Variants in PHYHIPL observed in about 807,000 individuals in gnomAD.
PHYHIPL encodes the protein phytanoyl-CoA 2-hydroxylase interacting protein like.
A neutral mutation model predicts 33.4 loss-of-function variants in PHYHIPL; 9 were observed. The ratio of observed to expected loss-of-function variants is 0.27; its 90% CI spans 0.16 to 0.47. The LOEUF (loss-of-function observed/expected upper bound fraction) is 0.47. Among genes scored for constraint, PHYHIPL ranks in the 20% least tolerant of loss-of-function variants. PHYHIPL has a pLI of 0.99. For missense variants in PHYHIPL, 365 were observed against 460.7 expected, an observed-to-expected ratio of 0.79 and a Z score of 1.90; for synonymous variants, 153 against 154.1, an observed-to-expected ratio of 0.99 and a Z score of 0.05.
intron 1 of PHYHIPL, among the ~76,000 whole-genome samples, chr10:59,222,992 A>C (rs1839822739): frequency 6.6e-6 from 1 of 152,202 alleles, no homozygotes; most frequent in Non-Finnish European, 1.5e-5. Context: ...AAGGTCAAAC[A>C]ACTCCATGTA....
At chr10:59,200,210 T>C (rs1839057162) in intron 1 of PHYHIPL, among the ~76,000 whole-genome samples, 1 of 152,180 alleles carries the variant, frequency 6.6e-6, no homozygotes, top group African/African-American at 2.4e-5. Context: ...AAACAACTCT[T>C]ATCATTTTGA....
chr10:59,208,229 A>T (rs1487708851), intron 1 of PHYHIPL, among the ~76,000 whole-genome samples: 1 of 152,204 alleles, frequency 6.6e-6, no homozygotes, highest in Non-Finnish European at 1.5e-5. Context: ...AGGAAGGAAC[A>T]GGCAGCAATC....
chr10:59,197,255 C>T (rs1250740999), intron 1 of PHYHIPL, among the ~76,000 whole-genome samples: 1 of 152,174 alleles, frequency 6.6e-6, no homozygotes. Context: ...AACTGAGTAA[C>T]AAAATTTCCT....
chr10:59,220,714 A>T (rs1225252668), intron 1 of PHYHIPL, among the ~76,000 whole-genome samples: 1 of 152,062 alleles, frequency 6.6e-6, no homozygotes, highest in Non-Finnish European at 1.5e-5. Context: ...TTCTAGAGCA[A>T]CTATGGTAAG....
chr10:59,200,922 A>G lies in PHYHIPL; in HGVS notation c.106+23963A>G, dbSNP rs780043726. Among the ~76,000 whole-genome samples the G allele has an allele frequency of 1.9e-4, 29 of 151,920 alleles. No individual in the cohort carries two copies. In the Middle Eastern group the frequency reaches 0.01, roughly 53 times the overall value. On this transcript the variant is annotated intron_variant, in intron 1 of 4. Coordinates refer to ENST00000373880, the MANE Select transcript of PHYHIPL (RefSeq NM_032439.4). Reference sequence around the variant, plus strand: ...AGTGATATCCCCTTTATCATTTTTTATTGTGTCTATTTGATTCTTCTCTCT... The same window carrying G: ...AGTGATATCCCCTTTATCATTTTTTGTTGTGTCTATTTGATTCTTCTCTCT...
intron 1 of PHYHIPL, among the ~76,000 whole-genome samples, chr10:59,198,910 T>C (rs954061473): frequency 1.3e-5 from 2 of 152,210 alleles, no homozygotes; most frequent in Non-Finnish European, 2.9e-5. Flanking sequence ...TTGTTTGATT[T>C]TTTTCTTGTA....
At position 59,245,694 on chromosome 10, in the gene PHYHIPL, C is replaced by T. The variant is rs1840636407; in HGVS notation, c.*103C>T. ...CAGATGTTTTCCACTGAAGCATGCA[C>T]ATGCCACTGTCACCAAAACAAACAA... On this transcript the variant is annotated 3_prime_UTR_variant, in exon 5 of 5. Coordinates refer to ENST00000373880, the MANE Select transcript of PHYHIPL (RefSeq NM_032439.4). 7.9e-7 allele frequency: 1 copy of T among 1,267,534 alleles called. No homozygotes were observed. Among genetic ancestry groups the T allele is most frequent in the Non-Finnish European group, 1.1e-6 (1 of 925,714 alleles). The allele number at this position is 1,267,534 out of a possible 1,614,324, so 78.5% of individuals were successfully genotyped here.
intron 4 of PHYHIPL, among the ~76,000 whole-genome samples, chr10:59,242,274 T>C (rs145698173): frequency 5.5e-4 from 83 of 152,206 alleles, no homozygotes; most frequent in Non-Finnish European, 9.4e-4. Context: ...TAGCACAGGC[T>C]TAGTGGGAGC....
Position 59,178,364 on chromosome 10 carries a change from G to A in PHYHIPL, c.106+1405G>A, listed in dbSNP as rs1241083191. 3.9e-5 allele frequency among the ~76,000 whole-genome samples: 6 copies of A among 152,020 alleles called. No homozygotes were observed. The East Asian group carries it at 1.2e-3, about 29-fold the overall frequency. ...ATGGTAGTAAGTGCACATATTTATG[G>A]TATCTAAAAACATTTATCATTTTGG... On this transcript the variant is annotated intron_variant, in intron 1 of 4. Coordinates refer to ENST00000373880, the MANE Select transcript of PHYHIPL (RefSeq NM_032439.4).
At chr10:59,237,668 C>T (rs1840265951) in intron 3 of PHYHIPL, among the ~76,000 whole-genome samples, 1 of 151,856 alleles carries the variant, frequency 6.6e-6, no homozygotes, top group Non-Finnish European at 1.5e-5. Context: ...GAGCTAGGCA[C>T]TGTACAATGT....
At chr10:59,232,932 T>C (rs1805675012) in intron 1 of PHYHIPL, among the ~76,000 whole-genome samples, 1 of 151,914 alleles carries the variant, frequency 6.6e-6, no homozygotes, top group African/African-American at 2.4e-5. Flanking sequence ...TCACTTGATT[T>C]CTTCCCTGTT....
intron 1 of PHYHIPL, among the ~76,000 whole-genome samples, chr10:59,207,841 G>A (rs553653679): frequency 1.6e-4 from 24 of 150,276 alleles, no homozygotes; most frequent in Non-Finnish European, 2.8e-4. Flanking sequence ...GCAGTGAGCC[G>A]AGATGCACCA....
chr10:59,240,385 AT>A (rs1399716689), intron 4 of PHYHIPL, among the ~76,000 whole-genome samples: 2 of 152,060 alleles, frequency 1.3e-5, no homozygotes, highest in African/African-American at 4.8e-5. Context: ...TTGAAAATTC[AT>A]TTAATACACC....
chr10:59,202,073 G>A lies in PHYHIPL; in HGVS notation c.106+25114G>A, dbSNP rs375944796. Among the ~76,000 whole-genome samples, 123 of 152,234 alleles carry A rather than the reference G, an allele frequency of 8.1e-4. 2 individuals are homozygous for A. In the East Asian group the frequency reaches 0.017, roughly 21 times the overall value. On this transcript the variant is annotated intron_variant, in intron 1 of 4. Coordinates refer to ENST00000373880, the MANE Select transcript of PHYHIPL (RefSeq NM_032439.4). ...GATTACATAGGCAGTAATAGACCAG[G>A]TATAAGGAATCACTCCAACGAAGGC...
chr10:59,218,785 G>GA (rs1839684391), intron 1 of PHYHIPL, among the ~76,000 whole-genome samples: 1 of 151,522 alleles, frequency 6.6e-6, no homozygotes, highest in Non-Finnish European at 1.5e-5. Context: ...ACTCTCTTTA[G>GA]AAAAAAGAAT....
At position 59,176,902 on chromosome 10, in the gene PHYHIPL, T is replaced by C; in HGVS notation, c.49T>C (p.Cys17Arg). Residue 17 changes from cysteine (C) to arginine (R), a missense_variant, in exon 1 of 5, where the codon TGT becomes CGT. Around this residue, in one of 4 missense-constraint regions of PHYHIPL, gnomAD observed 89 missense variants for 78.3 expected, o/e 1.14. Transcript: ENST00000373880. ...DHALNSPTSP[C>R]EEVIKNLSLE... ...TGCCCTCAACAGCCCCACCAGCCCC[T>C]GTGAGGAGGTGATCAAAAACCTCAG... 1 of 1,613,586 alleles carries C rather than the reference T, an allele frequency of 6.2e-7. No individual in the cohort carries two copies. The highest frequency in any genetic ancestry group is 8.5e-7 in the Non-Finnish European group (1 of 1,179,794).
chr10:59,188,564 G>A (rs1838686770), intron 1 of PHYHIPL, among the ~76,000 whole-genome samples: 1 of 151,982 alleles, frequency 6.6e-6, no homozygotes, highest in African/African-American at 2.4e-5. Flanking sequence ...TTGACAGTGG[G>A]GTGTTAAAGT....
chr10:59,240,635 C>T (rs983924757), intron 4 of PHYHIPL, among the ~76,000 whole-genome samples: 36 of 152,044 alleles, frequency 2.4e-4, no homozygotes, highest in Admixed American at 1.2e-3. Context: ...GTATTTGTTA[C>T]GCATAAAATT....
At chr10:59,229,789 C>T (rs957013156) in intron 1 of PHYHIPL, among the ~76,000 whole-genome samples, 4 of 152,270 alleles carry the variant, frequency 2.6e-5, no homozygotes, top group African/African-American at 9.6e-5. Context: ...GAACACTCAG[C>T]AGTGTGTGAG....
Sources: gnomAD v4.1 joint callset for allele counts (sites outside exome capture counted in the v4.1 genomes callset) on GRCh38, gnomAD v4.1.1 for gene constraint, gnomAD v4.1.1 regional missense constraint, MANE v1.5 for transcripts, NCBI Gene and HGNC (gene_info 2026-07-23, HGNC 2026-07-21) for gene names.